ZMAT3: variants seen among roughly 807,000 people sequenced by gnomAD.
The protein encoded by ZMAT3 is zinc finger matrin-type 3, also known as zinc finger matrin-type protein 3.
In ZMAT3, 17 loss-of-function variants were observed where a neutral mutation model predicts 32.3. The ratio of observed to expected loss-of-function variants is 0.53; its 90% CI spans 0.36 to 0.79. ZMAT3 has a LOEUF of 0.79. ZMAT3 is among the 30% of genes least tolerant of loss of function. ZMAT3 has a pLI of 0.00. For missense variants in ZMAT3, 329 were observed against 359.7 expected (o/e 0.91, Z 0.69); for synonymous variants, 120 against 133.1 (o/e 0.90, Z 0.68).
chr3:179,069,748 A>AT (rs1431429340), intron 1 of ZMAT3, among the ~76,000 whole-genome samples: 1 of 152,376 alleles, frequency 6.6e-6, no homozygotes, highest in African/African-American at 2.4e-5. Context: ...GACAAAGTGC[A>AT]TAAGTATTAG....
intron 2 of ZMAT3, among the ~76,000 whole-genome samples, chr3:179,035,244 A>C (rs990993629): frequency 2.6e-5 from 4 of 152,140 alleles, no homozygotes; most frequent in African/African-American, 9.7e-5. Context: ...AAGGCCCTAC[A>C]TGATCTGGCC....
intron 5 of ZMAT3, among the ~76,000 whole-genome samples, chr3:179,025,896 C>T (rs1718840227): frequency 6.6e-6 from 1 of 152,160 alleles, no homozygotes; most frequent in African/African-American, 2.4e-5. Flanking sequence ...CATTACTGAT[C>T]ATTTCATTTT....
At chr3:179,043,195 A>T (rs1003613686) in intron 2 of ZMAT3, among the ~76,000 whole-genome samples, 1 of 152,184 alleles carries the variant, frequency 6.6e-6, no homozygotes, top group Non-Finnish European at 1.5e-5. Flanking sequence ...GCTACCAATG[A>T]CTTTCTTCAC....
intron 5 of ZMAT3, 83 bp from the exon 6 acceptor site, chr3:179,025,311 T>C: frequency 8.7e-7 from 1 of 1,147,388 alleles, no homozygotes; most frequent in Non-Finnish European, 1.2e-6. Flanking sequence ...TAATTTGTAA[T>C]TCTAAGTTCA....
At position 179,031,012 on chromosome 3, in the gene ZMAT3, A is replaced by C; in HGVS notation, c.271-13T>G. 1.2e-6 allele frequency: 2 copies of C among 1,612,854 alleles called. No individual in the cohort carries two copies. The highest frequency in any genetic ancestry group is 1.7e-6 in the Non-Finnish European group (2 of 1,179,354). On this transcript the variant is annotated splice_polypyrimidine_tract_variant and intron_variant, in intron 2 of 5. Transcript: ENST00000311417. Reference sequence around the variant, plus strand: ...CATGATTTTTACCCTAGAAATAAAAATAAAATGAGTACAGCAGTCCACCCT... The same window carrying C: ...CATGATTTTTACCCTAGAAATAAAACTAAAATGAGTACAGCAGTCCACCCT...
rs1328296457 is a variant in ZMAT3, at chr3:179,019,631, A to T, written c.*5386T>A. 1 of 152,190 alleles carries T rather than the reference A, an allele frequency of 6.6e-6. No individual in the cohort carries two copies. Among genetic ancestry groups the T allele is most frequent in the African/African-American group, 2.4e-5 (1 of 41,458 alleles). 9.4% of individuals were successfully genotyped at this position (152,190 alleles called of 1,614,324 possible). On this transcript the variant is annotated 3_prime_UTR_variant, in exon 6 of 6. Transcript: ENST00000311417. ...ATGTTAACATTTCTATAATAAAATC[A>T]GTCTAGCAGGGCGTTTCTAAGATTC...
At chr3:179,059,262 G>T (rs1263508524) in intron 2 of ZMAT3, among the ~76,000 whole-genome samples, 1 of 152,166 alleles carries the variant, frequency 6.6e-6, no homozygotes, top group Non-Finnish European at 1.5e-5. Context: ...GTACTCAGAA[G>T]AAGAAATAGA....
chr3:179,037,248 C>T (rs1051107212), intron 2 of ZMAT3, among the ~76,000 whole-genome samples: 11 of 152,274 alleles, frequency 7.2e-5, no homozygotes, highest in East Asian at 1.9e-4. Context: ...TGCCCCTGTT[C>T]GCCAAGCTGC....
intron 2 of ZMAT3, among the ~76,000 whole-genome samples, chr3:179,033,580 T>C (rs916900254): frequency 5.9e-5 from 9 of 152,088 alleles, no homozygotes; most frequent in African/African-American, 2.2e-4. Flanking sequence ...AAGTATCACA[T>C]TTTCCAGTGA....
intron 2 of ZMAT3, among the ~76,000 whole-genome samples, chr3:179,038,786 A>G (rs1451413761): frequency 1.3e-5 from 2 of 152,228 alleles, no homozygotes; most frequent in Non-Finnish European, 2.9e-5. Context: ...CCAAGAGGTC[A>G]GGGGATTTCC....
intron 2 of ZMAT3, among the ~76,000 whole-genome samples, chr3:179,059,989 A>G (rs1185438414): frequency 6.6e-6 from 1 of 152,172 alleles, no homozygotes; most frequent in African/African-American, 2.4e-5. Context: ...ACAGGAGGTG[A>G]AGAAATAGCC....
intron 2 of ZMAT3, among the ~76,000 whole-genome samples, chr3:179,041,354 T>C (rs1719916777): frequency 6.6e-6 from 1 of 152,110 alleles, no homozygotes; most frequent in African/African-American, 2.4e-5. Context: ...TCAGCAAATG[T>C]AAAAGAACAG....
intron 1 of ZMAT3, 41 bp from the exon 2 acceptor site, chr3:179,067,850 A>C: frequency 6.6e-7 from 1 of 1,509,354 alleles, no homozygotes; most frequent in Non-Finnish European, 8.9e-7. Flanking sequence ...AACTCACTTG[A>C]AAATCAGACT....
chr3:179,067,021 A>G (rs982916211), intron 2 of ZMAT3, among the ~76,000 whole-genome samples: 4 of 152,256 alleles, frequency 2.6e-5, no homozygotes, highest in Admixed American at 1.3e-4. Flanking sequence ...AATGGAAAGC[A>G]TAAGAGTCAT....
chr3:179,054,573 T>C (rs757984546), intron 2 of ZMAT3, among the ~76,000 whole-genome samples: 4 of 152,216 alleles, frequency 2.6e-5, no homozygotes, highest in Non-Finnish European at 5.9e-5. Flanking sequence ...AATTTAAAAA[T>C]TAAAAAATTC....
chr3:179,035,617 T>C (rs551429691), intron 2 of ZMAT3, among the ~76,000 whole-genome samples: 3 of 151,500 alleles, frequency 2.0e-5, no homozygotes, highest in Non-Finnish European at 4.4e-5. Context: ...TGTTTTTTTT[T>C]CTCTTTCCTC....
At chr3:179,057,489 G>T (rs148162403) in intron 2 of ZMAT3, among the ~76,000 whole-genome samples, 9 of 152,294 alleles carry the variant, frequency 5.9e-5, no homozygotes, top group Admixed American at 5.2e-4. Flanking sequence ...CCAGGCATTA[G>T]CCCAAGACTT....
At chr3:179,038,052 G>A (rs1719702101) in intron 2 of ZMAT3, among the ~76,000 whole-genome samples, 1 of 152,108 alleles carries the variant, frequency 6.6e-6, no homozygotes, top group Non-Finnish European at 1.5e-5. Context: ...AGAGTGGGGT[G>A]GGCCGACAAG....
chr3:179,053,999 C>A (rs1236044026), intron 2 of ZMAT3, among the ~76,000 whole-genome samples: 1 of 152,130 alleles, frequency 6.6e-6, no homozygotes, highest in Non-Finnish European at 1.5e-5. Context: ...ATTTTGACAA[C>A]TATACTGTAG....
Sources: allele counts gnomAD v4.1 joint callset (sites outside exome capture counted in the v4.1 genomes callset), GRCh38; gene constraint gnomAD v4.1.1; transcripts MANE v1.5; gene names NCBI Gene and HGNC (gene_info 2026-07-23, HGNC 2026-07-21).